The following GPR158 variants were observed in gnomAD, a reference collection of about 807,000 sequenced individuals.
GPR158 encodes the protein G protein-coupled receptor 158.
In GPR158, 30 loss-of-function variants were observed where a neutral mutation model predicts 78.2. The ratio of observed to expected loss-of-function variants is 0.38; its 90% CI spans 0.29 to 0.52. The LOEUF is 0.52. Among genes scored for constraint, GPR158 ranks in the 20% least tolerant of loss-of-function variants. GPR158 has a pLI of 0.83. For missense variants in GPR158, 1,463 were observed against 1,523.5 expected, an observed-to-expected ratio of 0.96 and a Z score of 0.66; for synonymous variants, 581 against 591.1, an observed-to-expected ratio of 0.98 and a Z score of 0.25.
chr10:25,332,731 A>G (rs1024430311), intron 2 of GPR158, among the ~76,000 whole-genome samples: 11 of 152,184 alleles, frequency 7.2e-5, no homozygotes, highest in African/African-American at 2.7e-4. Context: ...ATTTAACTTC[A>G]AAGAGAACAT....
At chr10:25,399,764 A>AT (rs1462452812) in intron 3 of GPR158, among the ~76,000 whole-genome samples, 1 of 152,054 alleles carries the variant, frequency 6.6e-6, no homozygotes, top group African/African-American at 2.4e-5. Context: ...ACTACTCAAT[A>AT]TTTTTTTAAT....
At chr10:25,388,168 C>A (rs189997337) in intron 2 of GPR158, among the ~76,000 whole-genome samples, 39 of 152,314 alleles carry the variant, frequency 2.6e-4, no homozygotes, top group Admixed American at 2.4e-3. Context: ...TCAAAGTAGG[C>A]TTCCAATATT....
Position 25,370,373 on chromosome 10 carries a change from G to A in GPR158, c.1009-25538G>A, listed in dbSNP as rs1338575534. Among the ~76,000 whole-genome samples, 8 of 127,104 alleles carry A rather than the reference G, an allele frequency of 6.3e-5. No homozygotes were observed. The South Asian group carries it at 1.1e-3, about 18-fold the overall frequency. 83.4% of individuals were successfully genotyped at this position (127,104 alleles called of 152,430 possible). ...AGAGATCCTGGTATGTTGTGTCTTT[G>A]TTCTCGTTGGTTTCAAAGAACATCT... is the stretch of plus-strand genomic sequence containing the variant. On this transcript the variant is annotated intron_variant, in intron 2 of 10. Coordinates refer to ENST00000376351, the MANE Select transcript of GPR158 (RefSeq NM_020752.3).
At chr10:25,424,200 A>T (rs1834789546) in intron 4 of GPR158, among the ~76,000 whole-genome samples, 2 of 152,122 alleles carry the variant, frequency 1.3e-5, no homozygotes, top group African/African-American at 4.8e-5. Flanking sequence ...GTGTCTGTTC[A>T]TATCCTTTGC....
chr10:25,562,764 A>G (rs141375080), intron 6 of GPR158, among the ~76,000 whole-genome samples: 2 of 152,182 alleles, frequency 1.3e-5, no homozygotes, highest in East Asian at 3.9e-4. Context: ...GGAGATGAAT[A>G]CCCCGTGTTT....
chr10:25,288,800 G>A (rs776815315), intron 2 of GPR158, among the ~76,000 whole-genome samples: 1 of 152,116 alleles, frequency 6.6e-6, no homozygotes, highest in African/African-American at 2.4e-5. Flanking sequence ...GTTCTGCTAA[G>A]CTTTAAAAAT....
chr10:25,268,261 C>G (rs1854069386), intron 2 of GPR158, among the ~76,000 whole-genome samples: 3 of 152,100 alleles, frequency 2.0e-5, no homozygotes, highest in Non-Finnish European at 2.9e-5. Context: ...ATAATTTTTA[C>G]TTGAATATGA....
intron 2 of GPR158, among the ~76,000 whole-genome samples, chr10:25,238,501 G>A (rs913175781): frequency 6.6e-6 from 1 of 152,308 alleles, no homozygotes; most frequent in Middle Eastern, 3.4e-3. Context: ...TGGTCAAGGT[G>A]TGTTTTTAAT....
At chr10:25,334,041 T>G (rs1294846678) in intron 2 of GPR158, among the ~76,000 whole-genome samples, 1 of 152,114 alleles carries the variant, frequency 6.6e-6, no homozygotes. Context: ...CTGTGGTTCT[T>G]TTAGAGAAAA....
chr10:25,371,605 A>G (rs1238046471), intron 2 of GPR158, among the ~76,000 whole-genome samples: 1 of 144,806 alleles, frequency 6.9e-6, no homozygotes, highest in African/African-American at 2.5e-5. Context: ...AGCAATGGGG[A>G]AAGGATTCCC....
chr10:25,276,561 C>A (rs1854185891), intron 2 of GPR158, among the ~76,000 whole-genome samples: 1 of 152,222 alleles, frequency 6.6e-6, no homozygotes, highest in Non-Finnish European at 1.5e-5. Flanking sequence ...AAAATCTAGA[C>A]AGAGAGCTAA....
chr10:25,249,076 A>G (rs1853749129), intron 2 of GPR158, among the ~76,000 whole-genome samples: 1 of 151,910 alleles, frequency 6.6e-6, no homozygotes, highest in Admixed American at 6.6e-5. Flanking sequence ...TCTTTGAAGC[A>G]ATTGTGAATG....
intron 6 of GPR158, among the ~76,000 whole-genome samples, chr10:25,566,717 T>C (rs987867605): frequency 2.0e-5 from 3 of 152,244 alleles, no homozygotes; most frequent in Admixed American, 6.5e-5. Context: ...ACTTCATGTC[T>C]GATAAGTGTC....
At chr10:25,352,350 G>A (rs978368259) in intron 2 of GPR158, among the ~76,000 whole-genome samples, 11 of 152,092 alleles carry the variant, frequency 7.2e-5, no homozygotes, top group Non-Finnish European at 1.3e-4. Flanking sequence ...ATAAAAATGG[G>A]AATCTTTGAG....
chr10:25,477,782 A>G (rs1225394723), intron 5 of GPR158, among the ~76,000 whole-genome samples: 1 of 152,218 alleles, frequency 6.6e-6, no homozygotes, highest in Non-Finnish European at 1.5e-5. Flanking sequence ...CTCAGAAGGT[A>G]TGGGAATATT....
At chr10:25,253,281 G>A (rs371582841) in intron 2 of GPR158, among the ~76,000 whole-genome samples, 10 of 152,288 alleles carry the variant, frequency 6.6e-5, no homozygotes, top group Admixed American at 2.6e-4. Context: ...CTTCTGCGTC[G>A]GTCACGCTGG....
At chr10:25,335,623 G>A (rs1855187206) in intron 2 of GPR158, among the ~76,000 whole-genome samples, 1 of 151,996 alleles carries the variant, frequency 6.6e-6, no homozygotes, top group Non-Finnish European at 1.5e-5. Context: ...CCTACCCAGA[G>A]ATTTGCAAAG....
intron 2 of GPR158, among the ~76,000 whole-genome samples, chr10:25,379,647 C>CT (rs11393897): frequency 0.29 from 30,481 of 106,542 alleles, 5,992 homozygotes; most frequent in East Asian, 0.68. Flanking sequence ...TGAGGATTAG[C>CT]TTTTTTTTTT....
Position 25,598,078 on chromosome 10 carries a change from C to T in GPR158, c.2452C>T (p.His818Tyr). The change falls in exon 11 of 11, where the codon CAC (histidine) becomes TAC (tyrosine). Residue 818 changes from histidine (H) to tyrosine (Y), a missense_variant. Coordinates refer to ENST00000376351, the MANE Select transcript of GPR158 (RefSeq NM_020752.3). ...CCGAGTCTTCTCACTCAAGAAATCC[C>T]ACAGCACTTATGACCACGTGAGAGA... ...KNRVFSLKKS[H>Y]STYDHVRDQT... 6.2e-7 allele frequency: 1 copy of T among 1,614,022 alleles called. No individual in the cohort carries two copies. The highest frequency in any genetic ancestry group is 8.5e-7 in the Non-Finnish European group (1 of 1,180,000).
Sources: allele counts gnomAD v4.1 joint callset (sites outside exome capture counted in the v4.1 genomes callset), GRCh38; gene constraint gnomAD v4.1.1; transcripts MANE v1.5; gene names NCBI Gene and HGNC (gene_info 2026-07-23, HGNC 2026-07-21).